Variants in DLGAP3 observed in about 807,000 individuals in gnomAD.
DLGAP3 encodes disks large-associated protein 3.
A neutral mutation model predicts 81.2 loss-of-function variants in DLGAP3; 17 were observed. That is an observed-to-expected ratio of 0.21 (90% CI 0.14 to 0.31). The LOEUF (loss-of-function observed/expected upper bound fraction) is 0.31. DLGAP3 is among the 10% of genes least tolerant of loss of function. The probability of loss-of-function intolerance (pLI) is 1.00; values close to 1 mark genes in which losing one functional copy is unlikely to be tolerated. For synonymous variants in DLGAP3, 577 were observed against 587.4 expected, an observed-to-expected ratio of 0.98 and a Z score of 0.26; for missense variants, 1,124 against 1,388.0, an observed-to-expected ratio of 0.81 and a Z score of 3.02.
intron 2 of DLGAP3, among the ~76,000 whole-genome samples, chr1:34,906,010 C>T (rs1418796514): frequency 2.7e-4 from 4 of 14,624 alleles, no homozygotes; most frequent in Non-Finnish European, 6.0e-4. Context: ...GACCTGGCCT[C>T]TAAATTTATA....
chr1:34,885,690 T>C lies in DLGAP3; in HGVS notation c.1702A>G (p.Ser568Gly). 7.1e-7 allele frequency: 1 copy of C among 1,410,694 alleles called. No individual in the cohort carries two copies. Among genetic ancestry groups the C allele is most frequent in the Non-Finnish European group, 9.2e-7 (1 of 1,092,134 alleles). The allele number at this position is 1,410,694 out of a possible 1,614,324, so 87.4% of individuals were successfully genotyped here. The stretch of plus-strand genomic sequence containing the variant: ...GCGGGGCCCTCGGCCGCCGTGAAGC[T>C]CTCGTGCGCGGAGTCGGTGCTGCTC... ...AQSSTDSAHE[S>G]FTAAEGPARR... The change falls in exon 7 of 12, where the codon AGC becomes GGC. Residue 568 changes from serine (S) to glycine (G), a missense_variant. Coordinates refer to ENST00000373347, the MANE Select transcript of DLGAP3 (RefSeq NM_001080418.3).
chr1:34,923,580 G>T (rs1639827982), intron 1 of DLGAP3, among the ~76,000 whole-genome samples: 1 of 152,066 alleles, frequency 6.6e-6, no homozygotes, highest in Non-Finnish European at 1.5e-5. Flanking sequence ...GTGGAGGGGT[G>T]ACTGCTTCAG....
chr1:34,883,013 C>A (rs542622351), intron 8 of DLGAP3, among the ~76,000 whole-genome samples: 1 of 152,250 alleles, frequency 6.6e-6, no homozygotes, highest in South Asian at 2.1e-4. Flanking sequence ...CCTCAAGTCT[C>A]AGCTTAAATG....
intron 1 of DLGAP3, among the ~76,000 whole-genome samples, chr1:34,922,033 A>C (rs1235171409): frequency 6.6e-6 from 1 of 152,050 alleles, no homozygotes; most frequent in Non-Finnish European, 1.5e-5. Context: ...CCTCTTACTC[A>C]CTACCCCTTT....
intron 1 of DLGAP3, among the ~76,000 whole-genome samples, chr1:34,927,301 A>G (rs1639890006): frequency 6.6e-6 from 1 of 152,200 alleles, no homozygotes; most frequent in African/African-American, 2.4e-5. Flanking sequence ...GGAGGATTGC[A>G]AAGTTCCTCG....
chr1:34,904,553 C>T lies in DLGAP3; in HGVS notation c.831G>A (p.Gly277=). The T allele has an allele frequency of 6.2e-7, 1 of 1,614,130 alleles. No homozygotes were observed. Among genetic ancestry groups the T allele is most frequent in the Non-Finnish European group, 8.5e-7 (1 of 1,179,964 alleles). The change falls in exon 3 of 12, where the codon GGG becomes GGA. Residue 277 remains glycine (G), a synonymous_variant. Coordinates refer to ENST00000373347, the MANE Select transcript of DLGAP3 (RefSeq NM_001080418.3). The surrounding 1 kb of genome is among the most constrained non-coding windows in gnomAD (Gnocchi z 8.1). The part of the protein sequence containing the change: ...LDSDSGFLAG[G]RPPGEPGGPF... ...GACCACCAGGCTCCCCAGGGGGCCT[C>T]CCACCCGCCAGGAAGCCGCTATCAC...
rs1639208171 is a variant in DLGAP3, at chr1:34,885,575, G to C, written c.1817C>G (p.Pro606Arg). Reference protein sequence around the residue: ...ELAPVPPRASPKPPTLIIKTI... With the variant: ...ELAPVPPRASRKPPTLIIKTI... ...CTTGATGATGAGTGTGGGGGGCTTGGGGCTGGCCCGGGGCGGCACCGGCGC... is the reference window on the plus strand; with the variant it reads ...CTTGATGATGAGTGTGGGGGGCTTGCGGCTGGCCCGGGGCGGCACCGGCGC... Residue 606 changes from proline (P) to arginine (R), a missense_variant, in exon 7 of 12, where the codon CCC (proline) becomes CGC (arginine). By Grantham distance (103) the Pro-to-Arg change is moderately radical (BLOSUM62 -2). Coordinates refer to ENST00000373347, the MANE Select transcript of DLGAP3 (RefSeq NM_001080418.3). The C allele has an allele frequency of 6.2e-7, 1 of 1,602,370 alleles. No homozygotes were observed. The highest frequency in any genetic ancestry group is 8.5e-7 in the Non-Finnish European group (1 of 1,178,218).
At chr1:34,927,016 G>C (rs1299097861) in intron 1 of DLGAP3, among the ~76,000 whole-genome samples, 1 of 152,086 alleles carries the variant, frequency 6.6e-6, no homozygotes, top group Non-Finnish European at 1.5e-5. Flanking sequence ...CTGAAAGCAG[G>C]TACTAACATG....
At chr1:34,866,783 C>A (rs1342634875) in intron 11 of DLGAP3, among the ~76,000 whole-genome samples, 1 of 125,668 alleles carries the variant, frequency 8.0e-6, no homozygotes, top group African/African-American at 2.6e-5. Flanking sequence ...CAGCCGCCGC[C>A]ACCCCCCCAA....
chr1:34,927,944 C>T (rs1237350878), intron 1 of DLGAP3, among the ~76,000 whole-genome samples: 4 of 152,216 alleles, frequency 2.6e-5, no homozygotes, highest in Admixed American at 2.0e-4. Flanking sequence ...CAAGCCTCAA[C>T]ATCTTCATCT....
rs1553120828 is a variant in DLGAP3 at position 34,867,426 on chromosome 1, G to GTC, written c.2577+108_2577+109dup. On this transcript the variant is annotated intron_variant, in intron 10 of 11. Transcript: ENST00000373347. This position sits in a 1 kb window ranked among gnomAD's most constrained non-coding sequence, Gnocchi z 4.3. ...CTACCCCAGAAGGCATGCAGGCCTG[G>GTC]TCTCACCTCTGGTACACACTCACTC... The GTC allele has an allele frequency of 9.0e-7, 1 of 1,106,202 alleles. No homozygotes were observed. Among genetic ancestry groups the GTC allele is most frequent in the African/African-American group, 1.5e-5 (1 of 65,466 alleles). 68.5% of individuals were successfully genotyped at this position (1,106,202 alleles called of 1,614,324 possible).
intron 8 of DLGAP3, among the ~76,000 whole-genome samples, chr1:34,881,882 GA>G (rs536978558): frequency 6.6e-6 from 1 of 152,260 alleles, no homozygotes; most frequent in South Asian, 2.1e-4. Context: ...ACTAGGAATA[GA>G]AAGGAATTTC....
chr1:34,879,388 A>G (rs376002744), intron 8 of DLGAP3, among the ~76,000 whole-genome samples: 7 of 152,132 alleles, frequency 4.6e-5, no homozygotes, highest in Admixed American at 1.3e-4. Flanking sequence ...TCAGGCTCCA[A>G]TGAGAATCGA....
At position 34,868,147 on chromosome 1, in the gene DLGAP3, C is replaced by T. The variant is rs1039391902; in HGVS notation, c.2485+458G>A. Among the ~76,000 whole-genome samples, 8 of 152,168 alleles carry T rather than the reference C, an allele frequency of 5.3e-5. No individual in the cohort carries two copies. Among genetic ancestry groups the T allele is most frequent in the Non-Finnish European group, 1.2e-4 (8 of 68,034 alleles). On this transcript the variant is annotated intron_variant, in intron 9 of 11. Coordinates refer to ENST00000373347, the MANE Select transcript of DLGAP3 (RefSeq NM_001080418.3). The surrounding 1 kb of genome is among the most constrained non-coding windows in gnomAD (Gnocchi z 7.5). ...TCTGACTTACAGGAAGGGCCATGCT[C>T]TCCCTCGGGCCAGGGCCACATCTCC... is the stretch of plus-strand genomic sequence containing the variant.
At chr1:34,915,630 G>T (rs1329936372) in intron 1 of DLGAP3, among the ~76,000 whole-genome samples, 1 of 152,210 alleles carries the variant, frequency 6.6e-6, no homozygotes, top group Non-Finnish European at 1.5e-5. Flanking sequence ...CTTTCCCACA[G>T]GAGAGTCCAG....
At chr1:34,874,739 A>C (rs969284880) in intron 8 of DLGAP3, among the ~76,000 whole-genome samples, 1 of 152,068 alleles carries the variant, frequency 6.6e-6, no homozygotes, top group African/African-American at 2.4e-5. Context: ...GGATTATCCC[A>C]AGAGACACAG....
chr1:34,877,247 G>A lies in DLGAP3; in HGVS notation c.2000+7731C>T, dbSNP rs952674845. Among the ~76,000 whole-genome samples the A allele has an allele frequency of 2.0e-5, 3 of 152,138 alleles. 1 individual carries two copies. The highest frequency in any genetic ancestry group is 7.2e-5 in the African/African-American group (3 of 41,426). ...GGAAAGAGACCCTGTGCGCAAAGTC[G>A]GCAGCCAAGAAGGTCTGTTTCATTT... On this transcript the variant is annotated intron_variant, in intron 8 of 11. Coordinates refer to ENST00000373347, the MANE Select transcript of DLGAP3 (RefSeq NM_001080418.3).
At chr1:34,918,101 G>T (rs1031229466) in intron 1 of DLGAP3, among the ~76,000 whole-genome samples, 3 of 152,326 alleles carry the variant, frequency 2.0e-5, no homozygotes, top group East Asian at 3.9e-4. Context: ...CAGAGGGGGG[G>T]TCTCTCAGAG....
intron 8 of DLGAP3, among the ~76,000 whole-genome samples, chr1:34,882,075 A>G (rs894461333): frequency 1.3e-4 from 20 of 152,262 alleles, no homozygotes; most frequent in African/African-American, 4.8e-4. Context: ...ATAACTGACT[A>G]TATAGGAAGC....
Sources: allele counts gnomAD v4.1 joint callset (sites outside exome capture counted in the v4.1 genomes callset), GRCh38; gene constraint gnomAD v4.1.1; non-coding constraint Gnocchi (gnomAD v3.1); transcripts MANE v1.5; gene names NCBI Gene and HGNC (gene_info 2026-07-23, HGNC 2026-07-21).